PBX3: variants seen among roughly 807,000 people sequenced by gnomAD.
PBX3 encodes pre-B-cell leukemia transcription factor 3.
Under a neutral mutation model 48.5 loss-of-function variants are expected in PBX3, and 14 were observed. The observed-to-expected ratio is 0.29, with a 90% CI of 0.19 to 0.45. The LOEUF (loss-of-function observed/expected upper bound fraction) is 0.45, where lower values mean the gene tolerates loss of function less well. Among genes scored for constraint, PBX3 ranks in the 20% least tolerant of loss-of-function variants. The pLI, the probability that PBX3 is intolerant of heterozygous loss-of-function variation, is 1.00. For missense variants in PBX3, 386 were observed against 546.7 expected (o/e 0.71, Z 2.93); for synonymous variants, 210 against 200.3 (o/e 1.05, Z -0.41).
chr9:125,897,162 T>TC (rs57615401), intron 2 of PBX3, among the ~76,000 whole-genome samples: 3 of 148,450 alleles, frequency 2.0e-5, no homozygotes, highest in Non-Finnish European at 4.5e-5. Context: ...TTTTTTTTTT[T>TC]CCTGTGCAAA....
chr9:125,896,754 C>A (rs889783439), intron 2 of PBX3, among the ~76,000 whole-genome samples: 1 of 151,950 alleles, frequency 6.6e-6, no homozygotes, highest in African/African-American at 2.4e-5. Context: ...CAATCTGAAC[C>A]CATTGCTGTT....
At chr9:125,827,048 C>T (rs1447260575) in intron 2 of PBX3, among the ~76,000 whole-genome samples, 1 of 152,174 alleles carries the variant, frequency 6.6e-6, no homozygotes, top group African/African-American at 2.4e-5. Flanking sequence ...ACACCCCTCC[C>T]AGTCTGTGGT....
intron 2 of PBX3, among the ~76,000 whole-genome samples, chr9:125,831,975 A>G (rs1479463369): frequency 6.6e-6 from 1 of 152,178 alleles, no homozygotes; most frequent in Non-Finnish European, 1.5e-5. Flanking sequence ...TTGAGCCTTA[A>G]GGGTACTTAT....
chr9:125,880,540 G>A (rs1840358425), intron 2 of PBX3, among the ~76,000 whole-genome samples: 1 of 152,116 alleles, frequency 6.6e-6, no homozygotes, highest in Admixed American at 6.5e-5. Flanking sequence ...TGACAGTAAT[G>A]TTCTTGTAAA....
rs1836601416 is a variant in PBX3 at position 125,759,287 on chromosome 9, G to A, written c.274+10664G>A. Among the ~76,000 whole-genome samples, 2 of 152,204 alleles carry A rather than the reference G, an allele frequency of 1.3e-5. No homozygotes were observed. The highest frequency in any genetic ancestry group is 2.4e-5 in the African/African-American group (1 of 41,456). On this transcript the variant is annotated intron_variant, in intron 2 of 8. Coordinates refer to ENST00000373489, the MANE Select transcript of PBX3 (RefSeq NM_006195.6). This position sits in a 1 kb window ranked among gnomAD's most constrained non-coding sequence, Gnocchi z 4.2. The stretch of plus-strand genomic sequence containing the variant: ...GGAGAACAGAAGCCTATTCACTGAA[G>A]AAACAATTGACTTTAGCTTTTCTGT...
At chr9:125,853,333 C>T (rs1291590710) in intron 2 of PBX3, among the ~76,000 whole-genome samples, 1 of 152,086 alleles carries the variant, frequency 6.6e-6, no homozygotes, top group East Asian at 1.9e-4. Context: ...GAACGGTTGC[C>T]AAGAGGACAG....
chr9:125,918,559 TA>T (rs1248150441), intron 3 of PBX3, among the ~76,000 whole-genome samples: 1 of 152,198 alleles, frequency 6.6e-6, no homozygotes, highest in East Asian at 1.9e-4. Context: ...GATCTAAATA[TA>T]TAGTTCCTTT....
chr9:125,927,535 C>T (rs1224639665), intron 3 of PBX3, among the ~76,000 whole-genome samples: 1 of 152,144 alleles, frequency 6.6e-6, no homozygotes, highest in East Asian at 1.9e-4. Context: ...TTATAACTTC[C>T]AAACATGTCT....
At chr9:125,838,992 G>C (rs1405321078) in intron 2 of PBX3, among the ~76,000 whole-genome samples, 1 of 152,178 alleles carries the variant, frequency 6.6e-6, no homozygotes, top group Non-Finnish European at 1.5e-5. Flanking sequence ...TTTTGGTAGA[G>C]CTTAACACAC....
chr9:125,910,775 T>C (rs1232320271), intron 2 of PBX3, among the ~76,000 whole-genome samples: 2 of 150,768 alleles, frequency 1.3e-5, no homozygotes, highest in Non-Finnish European at 3.0e-5. Context: ...ACCTGCCATT[T>C]CCTCATAATC....
chr9:125,855,050 A>G (rs529973000), intron 2 of PBX3, among the ~76,000 whole-genome samples: 1 of 152,326 alleles, frequency 6.6e-6, no homozygotes, highest in Non-Finnish European at 1.5e-5. Context: ...AAGTCAGTTT[A>G]GTTTTATCTT....
In PBX3 at chr9:125,777,010, C is replaced by CTTTTTTTTT. The variant is rs1299800849; in HGVS notation, c.274+28391_274+28392insTTTTTTTTT. On this transcript the variant is annotated intron_variant, in intron 2 of 8. Transcript: ENST00000373489. ...CTGGCTGACACATGATTTTTCTTTT[C>CTTTTTTTTT]TTTTCTTTTTTTTTTTTGAGACGGA... 2.8e-4 allele frequency among the ~76,000 whole-genome samples: 26 copies of CTTTTTTTTT among 94,322 alleles called. 1 individual carries two copies. The highest frequency in any genetic ancestry group is 1.8e-3 in the East Asian group (6 of 3,370). The allele number at this position is 94,322 out of a possible 152,430, so 61.9% of individuals were successfully genotyped here.
intron 7 of PBX3, 49 bp downstream of exon 7, chr9:125,962,263 C>T (rs1461996123): frequency 9.7e-7 from 1 of 1,034,546 alleles, no homozygotes. Flanking sequence ...AGGGTTTGGG[C>T]TCAAAACTCC....
chr9:125,876,044 G>A (rs1188161295), intron 2 of PBX3, among the ~76,000 whole-genome samples: 1 of 152,054 alleles, frequency 6.6e-6, no homozygotes, highest in Non-Finnish European at 1.5e-5. Flanking sequence ...CTGCCTTACA[G>A]TTCAATAATA....
At chr9:125,853,264 C>G (rs765348670) in intron 2 of PBX3, among the ~76,000 whole-genome samples, 1 of 152,158 alleles carries the variant, frequency 6.6e-6, no homozygotes, top group Non-Finnish European at 1.5e-5. Context: ...TGATTTACCT[C>G]AAAATATAGC....
intron 3 of PBX3, among the ~76,000 whole-genome samples, chr9:125,928,039 CG>C (rs1191870184): frequency 6.6e-6 from 1 of 151,644 alleles, no homozygotes; most frequent in Admixed American, 6.6e-5. Context: ...AGAAATTAGC[CG>C]GGCGTGGCGG....
At chr9:125,830,786 T>G (rs983838948) in intron 2 of PBX3, among the ~76,000 whole-genome samples, 3 of 152,160 alleles carry the variant, frequency 2.0e-5, no homozygotes, top group Admixed American at 2.0e-4. Context: ...CTTGTCCACA[T>G]TCACAGTAAG....
At chr9:125,861,682 T>C (rs886507467) in intron 2 of PBX3, among the ~76,000 whole-genome samples, 2 of 152,200 alleles carry the variant, frequency 1.3e-5, no homozygotes, top group African/African-American at 4.8e-5. Context: ...GTATGAACCT[T>C]GCCAACATTT....
chr9:125,919,648 T>G (rs1177782001), intron 3 of PBX3, among the ~76,000 whole-genome samples: 2 of 152,238 alleles, frequency 1.3e-5, no homozygotes, highest in Non-Finnish European at 2.9e-5. Context: ...AAAATTGTGT[T>G]GAGTCTTTTA....
Sources: gnomAD v4.1 joint callset for allele counts (sites outside exome capture counted in the v4.1 genomes callset) on GRCh38, gnomAD v4.1.1 for gene constraint, Gnocchi (gnomAD v3.1) non-coding constraint, MANE v1.5 for transcripts, NCBI Gene and HGNC (gene_info 2026-07-23, HGNC 2026-07-21) for gene names.